Variants in ARHGAP45 observed in about 807,000 individuals in gnomAD.
The protein encoded by ARHGAP45 is Rho GTPase activating protein 45, also known as rho GTPase-activating protein 45.
A neutral mutation model predicts 116.1 loss-of-function variants in ARHGAP45; 56 were observed. The observed-to-expected ratio is 0.48, with a 90% CI of 0.39 to 0.60. The LOEUF is 0.60. ARHGAP45 is among the 20% of genes least tolerant of loss of function. The pLI is 0.00. For missense variants in ARHGAP45, 1,622 were observed against 1,601.0 expected (o/e 1.01, Z -0.22); for synonymous variants, 866 against 701.7 (o/e 1.23, Z -3.70).
At position 1,069,005 on chromosome 19, in the gene ARHGAP45, G is replaced by A. The variant is rs2043091254; in HGVS notation, c.421+261G>A. On this transcript the variant is annotated intron_variant, in intron 2 of 22. Coordinates refer to ENST00000313093, the MANE Select transcript of ARHGAP45 (RefSeq NM_012292.5). The surrounding 1 kb of genome is among the most constrained non-coding windows in gnomAD (Gnocchi z 4.1). Reference sequence around the variant, plus strand: ...ATGGCAATTAGGAGGGAAAGGCAGAGGAAATGTCCCATGCACAGGCTCAGA... The same window carrying A: ...ATGGCAATTAGGAGGGAAAGGCAGAAGAAATGTCCCATGCACAGGCTCAGA... Among the ~76,000 whole-genome samples the A allele has an allele frequency of 6.6e-6, 1 of 152,060 alleles. No homozygotes were observed. Among genetic ancestry groups the A allele is most frequent in the Admixed American group, 6.6e-5 (1 of 15,256 alleles).
In ARHGAP45 at chr19:1,071,968, G is replaced by T. The variant is rs1836932416; in HGVS notation, c.422-1181G>T. 6.6e-6 allele frequency among the ~76,000 whole-genome samples: 1 copy of T among 152,070 alleles called. No individual in the cohort carries two copies. The highest frequency in any genetic ancestry group is 1.9e-4 in the East Asian group (1 of 5,204). ...AATTCCGTGGGTTTGTTTCCACTAC[G>T]TGGTGTGTGCCTGGCTCTCGATGTT... On this transcript the variant is annotated intron_variant, in intron 2 of 22. Coordinates refer to ENST00000313093, the MANE Select transcript of ARHGAP45 (RefSeq NM_012292.5). This position sits in a 1 kb window ranked among gnomAD's most constrained non-coding sequence, Gnocchi z 4.6.
In ARHGAP45 at chr19:1,071,884, G is replaced by A. The variant is rs1338809867; in HGVS notation, c.422-1265G>A. The stretch of plus-strand genomic sequence containing the variant: ...GGCATCCTCTGAGCGGTACAGTCAG[G>A]CGTCAAAGCTGCCCCTCCCGCTGGC... On this transcript the variant is annotated intron_variant, in intron 2 of 22. Transcript: ENST00000313093. The surrounding 1 kb of genome is among the most constrained non-coding windows in gnomAD (Gnocchi z 4.6). The A allele has an allele frequency of 6.6e-6, 1 of 152,202 alleles. No individual in the cohort carries two copies. The highest frequency in any genetic ancestry group is 1.5e-5 in the Non-Finnish European group (1 of 68,056). 9.4% of individuals were successfully genotyped at this position (152,202 alleles called of 1,614,324 possible). A position where few individuals can be genotyped will look rare whatever the true frequency, so the allele number is the denominator to read the frequency against.
At position 1,084,303 on chromosome 19, in the gene ARHGAP45, G is replaced by A. The variant is rs1157866572; in HGVS notation, c.3021G>A (p.Ala1007=). 7 of 1,612,490 alleles carry A rather than the reference G, an allele frequency of 4.3e-6. No homozygotes were observed. The highest frequency in any genetic ancestry group is 1.7e-4 in the Middle Eastern group (1 of 5,802). The change falls in exon 22 of 23, where the codon GCG becomes GCA. Residue 1007 remains alanine, a synonymous_variant. Transcript: ENST00000313093. Reference sequence around the variant, plus strand: ...TGCCGTACCTGGAGGCGGGCGAGGCGGTGGTCTACCCGCTGCAGGAGGCGG... The same window carrying A: ...TGCCGTACCTGGAGGCGGGCGAGGCAGTGGTCTACCCGCTGCAGGAGGCGG... ...VQVPYLEAGE[A]VVYPLQEAAA...
chr19:1,082,284 C>CGGGGG (rs2043462973), intron 19 of ARHGAP45, among the ~76,000 whole-genome samples: 1 of 91,392 alleles, frequency 1.1e-5, no homozygotes, highest in Non-Finnish European at 2.0e-5. Context: ...GGGGGCGGGG[C>CGGGGG]CGGGGCCGGG....
Position 1,074,117 on chromosome 19 carries a change from C to T in ARHGAP45, c.804C>T (p.Ala268=). 2.5e-6 allele frequency: 4 copies of T among 1,612,518 alleles called. No individual in the cohort carries two copies. Among genetic ancestry groups the T allele is most frequent in the South Asian group, 1.1e-5 (1 of 91,002 alleles). The change falls in exon 7 of 23, where the codon GCC becomes GCT. Residue 268 remains alanine, a synonymous_variant. Coordinates refer to ENST00000313093, the MANE Select transcript of ARHGAP45 (RefSeq NM_012292.5). The stretch of plus-strand genomic sequence containing the variant: ...CGTTCCCTGCAGGCTGCCTGCCCGC[C>T]GAGGAGGTGGACGTGCTGCTACAGC... ...LEDCDAGCLP[A]EEVDVLLQRC... is the part of the protein sequence containing the mutation.
In ARHGAP45 at chr19:1,073,516, T is replaced by C; in HGVS notation, c.576T>C (p.Tyr192=). The C allele has an allele frequency of 6.2e-7, 1 of 1,611,060 alleles. No homozygotes were observed. Among genetic ancestry groups the C allele is most frequent in the Non-Finnish European group, 8.5e-7 (1 of 1,177,326 alleles). The stretch of plus-strand genomic sequence containing the variant: ...ATCTCTGCTTCCCAGCCTTCCATTA[T>C]GAGAGCAACAATGATCTGGAGAAAC... ...TLIAKVKAFH[Y]ESNNDLEKQE... is the part of the protein sequence containing the mutation. The change falls in exon 4 of 23, where the codon TAT becomes TAC. Residue 192 remains tyrosine, a synonymous_variant. Transcript: ENST00000313093.
intron 19 of ARHGAP45, 80 bp downstream of exon 19, chr19:1,082,041 G>A: frequency 2.0e-6 from 3 of 1,498,864 alleles, no homozygotes; most frequent in Non-Finnish European, 2.7e-6. Flanking sequence ...GGGTCCGGGA[G>A]CTGGAGCAGG....
Position 1,085,912 on chromosome 19 carries a change from A to C in ARHGAP45, c.3317A>C (p.Asn1106Thr), listed in dbSNP as rs201763617. The C allele has an allele frequency of 1.2e-6, 2 of 1,612,898 alleles. No homozygotes were observed. The highest frequency in any genetic ancestry group is 1.3e-5 in the African/African-American group (1 of 75,000). ...TCAGGATTCAACACCAACCAGTCCAACAACGTGCTGCAGGCCCCACTGCCC... is the reference window on the plus strand; with the variant it reads ...TCAGGATTCAACACCAACCAGTCCACCAACGTGCTGCAGGCCCCACTGCCC... ...QLSGFNTNQS[N>T]NVLQAPLPPM... The change falls in exon 23 of 23, where the codon AAC becomes ACC. Residue 1106 changes from asparagine to threonine, a missense_variant. Physicochemically the swap from Asn to Thr is moderately conservative, Grantham distance 65 (BLOSUM62 0). Transcript: ENST00000313093.
Position 1,077,544 on chromosome 19 carries a change from C to T in ARHGAP45, c.1186-313C>T, listed in dbSNP as rs946931177. On this transcript the variant is annotated intron_variant, in intron 10 of 22. Coordinates refer to ENST00000313093, the MANE Select transcript of ARHGAP45 (RefSeq NM_012292.5). ...GATTACAAGCGTGCACCACAATGCC[C>T]GGCTAATTGTTTTAAATTTTGGGTA... The T allele has an allele frequency of 6.6e-5, 72 of 1,090,406 alleles. No homozygotes were observed. In the African/African-American group the frequency reaches 8.1e-4, roughly 12 times the overall value. 67.5% of individuals were successfully genotyped at this position (1,090,406 alleles called of 1,614,324 possible).
intron 8 of ARHGAP45, 87 bp downstream of exon 8, chr19:1,074,494 G>T: frequency 7.1e-7 from 1 of 1,412,838 alleles, no homozygotes; most frequent in Non-Finnish European, 9.4e-7. Flanking sequence ...ACCAAGAGCA[G>T]GGGCTTCCCC....
intron 22 of ARHGAP45, among the ~76,000 whole-genome samples, chr19:1,084,837 G>A (rs550706357): frequency 1.2e-4 from 18 of 152,236 alleles, no homozygotes; most frequent in South Asian, 4.2e-4. Context: ...TGTAATCCTC[G>A]CACTTTGGGA....
chr19:1,084,241 G>C lies in ARHGAP45; in HGVS notation c.2959G>C (p.Glu987Gln), dbSNP rs372197831. 6.8e-6 allele frequency: 11 copies of C among 1,613,402 alleles called. No individual in the cohort carries two copies. The highest frequency in any genetic ancestry group is 5.9e-6 in the Non-Finnish European group (7 of 1,179,844). The change falls in exon 22 of 23, where the codon GAG (glutamate) becomes CAG (glutamine). Residue 987 changes from glutamate to glutamine, a missense_variant. Transcript: ENST00000313093. Reference sequence around the variant, plus strand: ...GACTTCCGTTCTGCACTTGCAGGACGAGTCATCCAACCAGCGAGCTGAGGT... The same window carrying C: ...GACTTCCGTTCTGCACTTGCAGGACCAGTCATCCAACCAGCGAGCTGAGGT... ...EPEETPGGQD[E>Q]SSNQRAEVVV...
rs1161070933 is a variant in ARHGAP45 at position 1,083,320 on chromosome 19, C to CGAG, written c.2929_2931dup (p.Glu977dup). The CGAG allele has an allele frequency of 3.8e-6, 6 of 1,562,830 alleles. No homozygotes were observed. The highest frequency in any genetic ancestry group is 5.2e-6 in the Non-Finnish European group (6 of 1,154,636). ...TCATCGTCCACTACGGCCTGGTCTT[C>CGAG]GAGGAGGAGCCGGAGGAGACCCCCG... is the stretch of plus-strand genomic sequence containing the variant. On this transcript the variant is annotated inframe_insertion, in exon 21 of 23. Coordinates refer to ENST00000313093, the MANE Select transcript of ARHGAP45 (RefSeq NM_012292.5).
chr19:1,073,390 T>A, intron 3 of ARHGAP45, 98 bp downstream of exon 3: 4 of 1,576,266 alleles, frequency 2.5e-6, no homozygotes, highest in Non-Finnish European at 3.5e-6. Context: ...GCATAGGAGT[T>A]TGACAGGCAC....
At position 1,080,520 on chromosome 19, in the gene ARHGAP45, A is replaced by G. The variant is rs2043401638; in HGVS notation, c.1885A>G (p.Ser629Gly). Residue 629 changes from serine (S) to glycine (G), a missense_variant, in exon 15 of 23, where the codon AGT becomes GGT. Ser to Gly is a moderately conservative substitution (Grantham distance 56). Transcript: ENST00000313093. ...GCCGCTCTCGATCTCAGACTCGGAC[A>G]GTGGGCTGGACCCCGGCCCTGGCGC... ...SWPLSISDSD[S>G]GLDPGPGAGD... 1.9e-6 allele frequency: 3 copies of G among 1,612,914 alleles called. No individual in the cohort carries two copies. The highest frequency in any genetic ancestry group is 1.6e-4 in the Middle Eastern group (1 of 6,062).
chr19:1,078,374 A>C (rs577445087), intron 11 of ARHGAP45, among the ~76,000 whole-genome samples: 25 of 151,598 alleles, frequency 1.6e-4, no homozygotes, highest in African/African-American at 6.1e-4. Context: ...CGATCTCCTG[A>C]CCTCGTGATC....
intron 22 of ARHGAP45, among the ~76,000 whole-genome samples, chr19:1,085,047 A>G (rs1348410770): frequency 6.6e-6 from 1 of 152,134 alleles, no homozygotes; most frequent in Non-Finnish European, 1.5e-5. Context: ...ATGGCACTGC[A>G]CTCCAGCCCG....
intron 13 of ARHGAP45, 66 bp from the exon 14 acceptor site, chr19:1,080,189 G>A (rs1468441602): frequency 1.9e-6 from 3 of 1,610,540 alleles, no homozygotes; most frequent in African/African-American, 1.3e-5. Context: ...CCTCTGTCGG[G>A]GGCATGAAGA....
upstream of ARHGAP45, chr19:1,067,088 G>A (rs1483076601): frequency 1.1e-6 from 1 of 896,592 alleles, no homozygotes; most frequent in Non-Finnish European, 1.4e-6. Flanking sequence ...CGAGCGGCGC[G>A]GCTCCGAGCT....
Sources: allele counts gnomAD v4.1 joint callset (sites outside exome capture counted in the v4.1 genomes callset), GRCh38; gene constraint gnomAD v4.1.1; non-coding constraint Gnocchi (gnomAD v3.1); transcripts MANE v1.5; gene names NCBI Gene and HGNC (gene_info 2026-07-23, HGNC 2026-07-21).